AHCYL1: variants seen among roughly 807,000 people sequenced by gnomAD.
AHCYL1 encodes the protein S-adenosylhomocysteine hydrolase-like protein 1.
AHCYL1 carries 20 observed loss-of-function variants against 79.3 expected under a neutral mutation model. The observed-to-expected ratio is 0.25, with a 90% CI of 0.18 to 0.37. The LOEUF is 0.37. Ranked by LOEUF, AHCYL1 falls within the 10% of genes least tolerant of loss-of-function variation. The probability of loss-of-function intolerance (pLI) is 1.00; values close to 1 mark genes in which losing one functional copy is unlikely to be tolerated. For missense variants in AHCYL1, 330 were observed against 673.6 expected, an observed-to-expected ratio of 0.49 and a Z score of 5.65; for synonymous variants, 223 against 242.2, an observed-to-expected ratio of 0.92 and a Z score of 0.74.
At position 110,014,763 on chromosome 1, in the gene AHCYL1, G is replaced by A. The variant is rs760793726; in HGVS notation, c.581G>A (p.Gly194Glu). 1 of 1,613,334 alleles carries A rather than the reference G, an allele frequency of 6.2e-7. No homozygotes were observed. The highest frequency in any genetic ancestry group is 8.5e-7 in the Non-Finnish European group (1 of 1,179,254). The change falls in exon 6 of 17, where the codon GGA becomes GAA. Residue 194 changes from glycine to glutamate, a missense_variant and splice_region_variant. By Grantham distance (98) the Gly-to-Glu change is moderately conservative. Around this residue, in one of 6 missense-constraint regions of AHCYL1, gnomAD observed 25 missense variants for 27.7 expected, o/e 0.90. Coordinates refer to ENST00000369799, the MANE Select transcript of AHCYL1 (RefSeq NM_006621.7). ...NEVAAALAEA[G>E]VAVFAWKGES... ...AGCTGATTCATTTCTGTCTCTACAGGAGTTGCAGTGTTCGCTTGGAAGGGC... is the reference window on the plus strand; with the variant it reads ...AGCTGATTCATTTCTGTCTCTACAGAAGTTGCAGTGTTCGCTTGGAAGGGC...
intron 12 of AHCYL1, 42 bp downstream of exon 12, chr1:110,018,509 C>A (rs1300620432): frequency 1.2e-6 from 2 of 1,613,856 alleles, no homozygotes. Flanking sequence ...TCTCTACTAC[C>A]TTTCATTAAT....
At chr1:109,998,865 T>A (rs1650160887) in intron 1 of AHCYL1, among the ~76,000 whole-genome samples, 1 of 152,150 alleles carries the variant, frequency 6.6e-6, no homozygotes, top group Non-Finnish European at 1.5e-5. Flanking sequence ...AATTGACAAG[T>A]GAAAACTGTA....
At chr1:109,989,037 A>G (rs1205789449) in intron 1 of AHCYL1, among the ~76,000 whole-genome samples, 1 of 152,228 alleles carries the variant, frequency 6.6e-6, no homozygotes, top group African/African-American at 2.4e-5. Context: ...CTATCTTCAC[A>G]TCATTAGTAT....
At chr1:110,003,641 G>A (rs1208607968) in intron 1 of AHCYL1, among the ~76,000 whole-genome samples, 2 of 151,848 alleles carry the variant, frequency 1.3e-5, no homozygotes, top group Admixed American at 6.6e-5. Context: ...AATCAATATC[G>A]GGAGAAACAG....
At position 110,003,958 on chromosome 1, in the gene AHCYL1, G is replaced by A. The variant is rs1044560966; in HGVS notation, c.121-5076G>A. ...GTCAGTGAAGTGTTTAGTCTTACAG[G>A]AAGAGAGGGGAGTAGCTCACAAGGG... is the stretch of plus-strand genomic sequence containing the variant. On this transcript the variant is annotated intron_variant, in intron 1 of 16. Transcript: ENST00000369799. 5 of 985,406 alleles carry A rather than the reference G, an allele frequency of 5.1e-6. No homozygotes were observed. In the South Asian group the frequency reaches 2.4e-4, roughly 46 times the overall value. 61.0% of individuals were successfully genotyped at this position (985,406 alleles called of 1,614,324 possible).
At chr1:109,995,268 C>T (rs1032092468) in intron 1 of AHCYL1, among the ~76,000 whole-genome samples, 2 of 152,056 alleles carry the variant, frequency 1.3e-5, no homozygotes, top group Admixed American at 1.3e-4. Context: ...GAGGTGGAGC[C>T]CCTCCTATTT....
chr1:109,999,437 T>C (rs551820555), intron 1 of AHCYL1, among the ~76,000 whole-genome samples: 24 of 152,228 alleles, frequency 1.6e-4, no homozygotes, highest in Non-Finnish European at 2.9e-4. Context: ...TTTCCTCATT[T>C]CTTCCACCTT....
At chr1:110,007,134 C>T (rs1460331772) in intron 1 of AHCYL1, among the ~76,000 whole-genome samples, 1 of 152,158 alleles carries the variant, frequency 6.6e-6, no homozygotes, top group Non-Finnish European at 1.5e-5. Flanking sequence ...ATATGAAAAA[C>T]TGCAAGTGTT....
chr1:109,998,997 G>GA (rs151060186), intron 1 of AHCYL1, among the ~76,000 whole-genome samples: 4,504 of 151,576 alleles, frequency 0.03, 235 homozygotes, highest in African/African-American at 0.1. Flanking sequence ...TTACAAAAAA[G>GA]AAAAAAAAGA....
intron 1 of AHCYL1, chr1:109,985,593 G>T: frequency 1.0e-6 from 1 of 980,234 alleles, no homozygotes; most frequent in South Asian, 4.6e-5. Context: ...GGGAGCAGTG[G>T]CCGCTTTATC....
intron 1 of AHCYL1, chr1:110,004,045 C>T: frequency 2.0e-6 from 2 of 985,396 alleles, no homozygotes; most frequent in Non-Finnish European, 2.4e-6. Context: ...AGTGACTCAG[C>T]AGTTTGGGGC....
At chr1:110,020,154 A>G (rs1264495232) in intron 15 of AHCYL1, among the ~76,000 whole-genome samples, 1 of 152,200 alleles carries the variant, frequency 6.6e-6, no homozygotes, top group African/African-American at 2.4e-5. Context: ...TAATGCTAAA[A>G]TACTTCTTGC....
chr1:109,996,787 A>C (rs1650059416), intron 1 of AHCYL1, among the ~76,000 whole-genome samples: 1 of 152,178 alleles, frequency 6.6e-6, no homozygotes, highest in Non-Finnish European at 1.5e-5. Context: ...TTATGGAACC[A>C]CCACTGTATA....
chr1:109,991,366 G>A (rs1240439020), intron 1 of AHCYL1, among the ~76,000 whole-genome samples: 4 of 152,162 alleles, frequency 2.6e-5, no homozygotes, highest in Admixed American at 6.5e-5. Flanking sequence ...AAGCCCCAAC[G>A]CCTCCGCTGA....
chr1:109,997,541 A>G (rs1007536379), intron 1 of AHCYL1, among the ~76,000 whole-genome samples: 3 of 152,272 alleles, frequency 2.0e-5, no homozygotes, highest in African/African-American at 7.2e-5. Flanking sequence ...ACCAAATAGT[A>G]CCCGGGATAA....
intron 1 of AHCYL1, among the ~76,000 whole-genome samples, chr1:109,997,406 A>G (rs1650085220): frequency 6.6e-6 from 1 of 152,204 alleles, no homozygotes; most frequent in Non-Finnish European, 1.5e-5. Flanking sequence ...CAGACAGTCA[A>G]CTAAGCTGGT....
At chr1:110,020,954 A>G in intron 16 of AHCYL1, 103 bp downstream of exon 16, 1 of 1,485,408 alleles carries the variant, frequency 6.7e-7, no homozygotes, top group South Asian at 1.4e-5. Flanking sequence ...CTGATTTTGA[A>G]GAATACAAGA....
chr1:110,016,551 C>A, intron 8 of AHCYL1, 91 bp downstream of exon 8: 1 of 1,557,488 alleles, frequency 6.4e-7, no homozygotes, highest in Non-Finnish European at 8.8e-7. Flanking sequence ...TCATACTGAG[C>A]TCAACCAGCT....
intron 1 of AHCYL1, among the ~76,000 whole-genome samples, chr1:109,989,040 A>G (rs572505311): frequency 6.6e-6 from 1 of 152,358 alleles, no homozygotes; most frequent in Admixed American, 6.5e-5. Context: ...TCTTCACATC[A>G]TTAGTATCTC....
Sources: allele counts gnomAD v4.1 joint callset (sites outside exome capture counted in the v4.1 genomes callset), GRCh38; gene constraint gnomAD v4.1.1; regional missense constraint gnomAD v4.1.1; transcripts MANE v1.5; gene names NCBI Gene and HGNC (gene_info 2026-07-23, HGNC 2026-07-21).